GUCY1A1: variants seen among roughly 807,000 people sequenced by gnomAD.
The protein encoded by GUCY1A1 is guanylate cyclase soluble subunit alpha-1.
Under a neutral mutation model 64.5 loss-of-function variants are expected in GUCY1A1, and 48 were observed. The observed-to-expected ratio is 0.74, with a 90% confidence interval of 0.59 to 0.95. The LOEUF (loss-of-function observed/expected upper bound fraction) is 0.95. Among genes scored for constraint, GUCY1A1 ranks in the 40% least tolerant of loss-of-function variants. GUCY1A1 has a pLI of 0.00. For missense variants in GUCY1A1, 804 were observed against 825.3 expected (o/e 0.97, Z 0.32); for synonymous variants, 308 against 303.4 (o/e 1.02, Z -0.16).
At chr4:155,724,106 C>A (rs1470876821) in intron 9 of GUCY1A1, among the ~76,000 whole-genome samples, 1 of 152,092 alleles carries the variant, frequency 6.6e-6, no homozygotes, top group Non-Finnish European at 1.5e-5. Context: ...CAGAGCTACC[C>A]CAGTACTCAT....
chr4:155,713,360 C>G lies in GUCY1A1; in HGVS notation c.1349C>G (p.Thr450Arg). The G allele has an allele frequency of 6.2e-7, 1 of 1,614,146 alleles. No homozygotes were observed. The highest frequency in any genetic ancestry group is 8.5e-7 in the Non-Finnish European group (1 of 1,180,024). Residue 450 changes from threonine to arginine, a missense_variant, in exon 7 of 10, where the codon ACA becomes AGA. Thr to Arg is a moderately conservative substitution (Grantham distance 71, BLOSUM62 -1). Transcript: ENST00000506455. ...HQALEEEKKK[T>R]VDLLCSIFPC... ...GCCCTGGAGGAGGAGAAGAAAAAGA[C>G]AGTAGACCTTCTGTGCTCCATATTT...
At chr4:155,669,235 A>G (rs1733787358) in intron 2 of GUCY1A1, among the ~76,000 whole-genome samples, 1 of 151,708 alleles carries the variant, frequency 6.6e-6, no homozygotes, top group African/African-American at 2.4e-5. Context: ...TGGGTACCTT[A>G]TATTTATATT....
chr4:155,708,030 G>A (rs2126829648), intron 4 of GUCY1A1, among the ~76,000 whole-genome samples: 1 of 151,996 alleles, frequency 6.6e-6, no homozygotes, highest in South Asian at 2.1e-4. Flanking sequence ...GCAGAGATGG[G>A]GTTTCACCAT....
Position 155,676,319 on chromosome 4 carries a change from T to A in GUCY1A1, c.-113+8900T>A, listed in dbSNP as rs1432216573. Among the ~76,000 whole-genome samples, 8 of 139,148 alleles carry A rather than the reference T, an allele frequency of 5.7e-5. 1 individual carries two copies. Among genetic ancestry groups the A allele is most frequent in the African/African-American group, 1.3e-4 (5 of 38,000 alleles). 91.3% of individuals were successfully genotyped at this position (139,148 alleles called of 152,430 possible). A position where few individuals can be genotyped will look rare whatever the true frequency, so the allele number is the denominator to read the frequency against. ...GAGCTGGTTTTTTTTTTTTTTTTTT[T>A]AACAATTTTGTTGCCTATTAGTTTT... is the stretch of plus-strand genomic sequence containing the variant. On this transcript the variant is annotated intron_variant, in intron 2 of 9. Transcript: ENST00000506455.
chr4:155,714,684 T>C (rs1407558896), intron 7 of GUCY1A1, among the ~76,000 whole-genome samples: 1 of 152,216 alleles, frequency 6.6e-6, no homozygotes, highest in East Asian at 1.9e-4. Context: ...AAGAAACGAA[T>C]ATTATTCATG....
intron 2 of GUCY1A1, among the ~76,000 whole-genome samples, chr4:155,669,372 T>C: frequency 6.6e-6 from 1 of 152,058 alleles, no homozygotes; most frequent in East Asian, 1.9e-4. Flanking sequence ...TAGTGTCTCA[T>C]AGTGTATGAA....
At chr4:155,712,982 C>A in intron 6 of GUCY1A1, 116 bp from the exon 7 acceptor site, 1 of 842,692 alleles carries the variant, frequency 1.2e-6, no homozygotes, top group Non-Finnish European at 1.9e-6. Context: ...CAAATTGTTC[C>A]TTTTCAGCAG....
intron 2 of GUCY1A1, among the ~76,000 whole-genome samples, chr4:155,689,854 CCT>C (rs1301877639): frequency 6.6e-6 from 1 of 152,108 alleles, no homozygotes; most frequent in Admixed American, 6.6e-5. Context: ...TTAGAGTTGA[CCT>C]CTCTGTTTTG....
intron 2 of GUCY1A1, among the ~76,000 whole-genome samples, chr4:155,681,067 AGTG>A (rs762032235): frequency 1.8e-4 from 27 of 152,280 alleles, no homozygotes; most frequent in Admixed American, 4.6e-4. Flanking sequence ...ATTGATTAGA[AGTG>A]GTGAGAGCAG....
chr4:155,704,935 G>A (rs905909004), intron 4 of GUCY1A1, among the ~76,000 whole-genome samples: 6 of 152,138 alleles, frequency 3.9e-5, no homozygotes, highest in African/African-American at 1.4e-4. Context: ...CGCCTAGGCT[G>A]GAGTGCAGTG....
chr4:155,671,834 T>C (rs1420125673), intron 2 of GUCY1A1, among the ~76,000 whole-genome samples: 1 of 152,158 alleles, frequency 6.6e-6, no homozygotes, highest in African/African-American at 2.4e-5. Context: ...CTTCAACCCA[T>C]GCTTATTTAC....
At chr4:155,679,637 T>C (rs1735443810) in intron 2 of GUCY1A1, among the ~76,000 whole-genome samples, 1 of 152,200 alleles carries the variant, frequency 6.6e-6, no homozygotes, top group Non-Finnish European at 1.5e-5. Context: ...GCCCAATGAC[T>C]CAAACATCTC....
chr4:155,686,065 G>A (rs1728961273), intron 2 of GUCY1A1, among the ~76,000 whole-genome samples: 1 of 152,152 alleles, frequency 6.6e-6, no homozygotes, highest in African/African-American at 2.4e-5. Context: ...CTGGACTCTG[G>A]GTGACCTATC....
chr4:155,714,921 CCT>C (rs1733038246), intron 7 of GUCY1A1, among the ~76,000 whole-genome samples: 1 of 152,122 alleles, frequency 6.6e-6, no homozygotes, highest in Non-Finnish European at 1.5e-5. Context: ...GAGACGGTCT[CCT>C]GTCTTAGAAT....
At chr4:155,730,005 C>T in intron 9 of GUCY1A1, 25 bp from the exon 10 acceptor site, 1 of 1,360,572 alleles carries the variant, frequency 7.3e-7, no homozygotes, top group Non-Finnish European at 1.1e-6. Context: ...ACATTTATGT[C>T]AGTATTATAT....
chr4:155,729,616 T>C (rs888236765), intron 9 of GUCY1A1, among the ~76,000 whole-genome samples: 2 of 151,818 alleles, frequency 1.3e-5, no homozygotes, highest in Non-Finnish European at 2.9e-5. Context: ...ATGCCCACAA[T>C]TAGCATAATA....
chr4:155,711,164 G>C lies in GUCY1A1; in HGVS notation c.999G>C (p.Gln333His), dbSNP rs966645401. Residue 333 changes from glutamine (Q) to histidine (H), a missense_variant, in exon 6 of 10, where the codon CAG becomes CAC. By Grantham distance (24) the Gln-to-His change is conservative. Transcript: ENST00000506455. ...AAATTCTGACTCCAAAAATCAACCAGACGTTTAGCGGGATCATGACTATGT... is the reference window on the plus strand; with the variant it reads ...AAATTCTGACTCCAAAAATCAACCACACGTTTAGCGGGATCATGACTATGT... ...YFEILTPKIN[Q>H]TFSGIMTMLN... is the part of the protein sequence containing the mutation. The C allele has an allele frequency of 6.2e-7, 1 of 1,613,840 alleles. No individual in the cohort carries two copies. Among genetic ancestry groups the C allele is most frequent in the Non-Finnish European group, 8.5e-7 (1 of 1,179,726 alleles).
At chr4:155,693,899 T>C (rs920673669) in intron 2 of GUCY1A1, among the ~76,000 whole-genome samples, 6 of 151,932 alleles carry the variant, frequency 3.9e-5, no homozygotes, top group African/African-American at 1.5e-4. Flanking sequence ...CCAATGTGAA[T>C]GAGAGAGTTA....
chr4:155,699,989 G>A (rs1730874519), intron 3 of GUCY1A1, among the ~76,000 whole-genome samples: 1 of 152,112 alleles, frequency 6.6e-6, no homozygotes, highest in South Asian at 2.1e-4. Flanking sequence ...TCTATTTTAA[G>A]AAATAGAGAC....
Sources: allele counts gnomAD v4.1 joint callset (sites outside exome capture counted in the v4.1 genomes callset), GRCh38; gene constraint gnomAD v4.1.1; transcripts MANE v1.5; gene names NCBI Gene and HGNC (gene_info 2026-07-23, HGNC 2026-07-21).